Variants in MAD1L1 observed in about 807,000 individuals in gnomAD.
MAD1L1 encodes the protein mitotic arrest deficient 1 like 1.
In MAD1L1, 95 loss-of-function variants were observed where a neutral mutation model predicts 96.9. The observed-to-expected ratio is 0.98, with a 90% CI of 0.83 to 1.16. MAD1L1 has a LOEUF of 1.16. MAD1L1 is among the 50% of genes most tolerant of loss of function. The pLI is 0.00. For synonymous variants in MAD1L1, 473 were observed against 396.6 expected, an observed-to-expected ratio of 1.19 and a Z score of -2.29; for missense variants, 1,007 against 954.4, an observed-to-expected ratio of 1.06 and a Z score of -0.73.
intron 14 of MAD1L1, among the ~76,000 whole-genome samples, chr7:1,997,649 G>A (rs1324913548): frequency 2.0e-5 from 3 of 152,272 alleles, no homozygotes; most frequent in African/African-American, 7.2e-5. Flanking sequence ...TGACACTGAG[G>A]GCTCTGGGTC....
chr7:2,101,936 C>T (rs940105183), intron 11 of MAD1L1, among the ~76,000 whole-genome samples: 1 of 152,274 alleles, frequency 6.6e-6, no homozygotes. Context: ...GGGGGCTCTG[C>T]AGCTGGGAAG....
At chr7:1,912,810 ATC>A (rs1473084944) in intron 17 of MAD1L1, among the ~76,000 whole-genome samples, 11 of 152,182 alleles carry the variant, frequency 7.2e-5, no homozygotes, top group Non-Finnish European at 1.5e-5. Context: ...CGGCCACCTC[ATC>A]TGTTTCCGGA....
chr7:1,948,425 C>T (rs1779333412), intron 16 of MAD1L1, among the ~76,000 whole-genome samples: 2 of 152,190 alleles, frequency 1.3e-5, no homozygotes, highest in Non-Finnish European at 2.9e-5. Flanking sequence ...GCAGCTTTCC[C>T]CAGCAGGACA....
intron 17 of MAD1L1, among the ~76,000 whole-genome samples, chr7:1,919,670 C>T (rs1214508044): frequency 6.6e-6 from 1 of 152,220 alleles, no homozygotes; most frequent in African/African-American, 2.4e-5. Flanking sequence ...CTGCTATAAA[C>T]ACACCCTCCA....
intron 10 of MAD1L1, among the ~76,000 whole-genome samples, chr7:2,168,297 A>C (rs1790538333): frequency 6.6e-6 from 1 of 152,194 alleles, no homozygotes; most frequent in African/African-American, 2.4e-5. Flanking sequence ...AAGAAAAAAA[A>C]AGAACAGTGA....
chr7:1,920,244 G>A (rs988637439), intron 17 of MAD1L1, among the ~76,000 whole-genome samples: 3 of 151,148 alleles, frequency 2.0e-5, no homozygotes, highest in East Asian at 1.9e-4. Flanking sequence ...GTGTGCGTGC[G>A]TGCGTGCGTG....
intron 10 of MAD1L1, among the ~76,000 whole-genome samples, chr7:2,189,742 T>C (rs73039301): frequency 0.029 from 4,391 of 152,308 alleles, 113 homozygotes; most frequent in South Asian, 0.078. Context: ...GCAATATGAA[T>C]GTTCTTAAAG....
chr7:2,072,316 G>C (rs140815724), intron 11 of MAD1L1, among the ~76,000 whole-genome samples: 82 of 152,326 alleles, frequency 5.4e-4, no homozygotes, highest in Admixed American at 1.4e-3. Flanking sequence ...CTGCTGCGAC[G>C]TGAGAGCAGA....
chr7:1,823,223 T>A (rs190409276), intron 18 of MAD1L1, among the ~76,000 whole-genome samples: 189 of 152,050 alleles, frequency 1.2e-3, no homozygotes, highest in African/African-American at 3.6e-3. Context: ...TAAAAAAAAA[T>A]TTTTTTGACC....
At chr7:1,946,396 C>A (rs1170218363) in intron 16 of MAD1L1, among the ~76,000 whole-genome samples, 1 of 152,230 alleles carries the variant, frequency 6.6e-6, no homozygotes, top group Non-Finnish European at 1.5e-5. Flanking sequence ...ATGGAGCAAC[C>A]TTGCTGGAAT....
At position 2,220,777 on chromosome 7, in the gene MAD1L1, C is replaced by G. The variant is rs1007913896; in HGVS notation, c.472-1321G>C. 12 of 1,178,942 alleles carry G rather than the reference C, an allele frequency of 1.0e-5. 1 individual carries two copies. The highest frequency in any genetic ancestry group is 7.8e-5 in the South Asian group (5 of 64,020). The allele number at this position is 1,178,942 out of a possible 1,614,324, so 73.0% of individuals were successfully genotyped here. ...ACAATATGTACGGTTTACTTCACCA[C>G]AACAGTGAAGCATCAACCTGGGAGT... On this transcript the variant is annotated intron_variant, in intron 5 of 18. Coordinates refer to ENST00000265854, the MANE Select transcript of MAD1L1 (RefSeq NM_001013836.2).
At chr7:1,885,171 C>T (rs963209043) in intron 18 of MAD1L1, among the ~76,000 whole-genome samples, 2 of 152,140 alleles carry the variant, frequency 1.3e-5, no homozygotes, top group African/African-American at 4.8e-5. Flanking sequence ...GCTCCAGCCT[C>T]AGAGATGGCT....
At chr7:1,977,209 G>A (rs1002955461) in intron 15 of MAD1L1, among the ~76,000 whole-genome samples, 6 of 152,246 alleles carry the variant, frequency 3.9e-5, no homozygotes, top group Admixed American at 2.6e-4. Flanking sequence ...CCACGGCTGG[G>A]GGTGGGTGTG....
intron 11 of MAD1L1, among the ~76,000 whole-genome samples, chr7:2,087,997 C>T (rs1304528156): frequency 1.3e-5 from 2 of 152,210 alleles, no homozygotes; most frequent in African/African-American, 4.8e-5. Context: ...CTTCCCCTCT[C>T]ACAGCTAACT....
intron 15 of MAD1L1, among the ~76,000 whole-genome samples, chr7:1,965,429 G>C (rs1390859307): frequency 2.6e-5 from 4 of 152,228 alleles, no homozygotes; most frequent in Admixed American, 2.6e-4. Context: ...CCACCGCACT[G>C]GTGGGTAGGG....
intron 18 of MAD1L1, among the ~76,000 whole-genome samples, chr7:1,850,898 C>T (rs181315784): frequency 1.3e-3 from 191 of 152,266 alleles, no homozygotes; most frequent in African/African-American, 4.5e-3. Flanking sequence ...TGCCTGACCC[C>T]GTGTGGGACC....
intron 14 of MAD1L1, among the ~76,000 whole-genome samples, chr7:1,981,022 A>T (rs548988189): frequency 6.6e-6 from 1 of 152,202 alleles, no homozygotes; most frequent in Non-Finnish European, 1.5e-5. Flanking sequence ...GCTGGAGTGC[A>T]GTGGCACAAT....
rs1794290157 is a variant in MAD1L1, at chr7:2,232,893, T to TGCC, written c.-214_-212dup. 6.6e-6 allele frequency: 1 copy of TGCC among 152,246 alleles called. No individual in the cohort carries two copies. Among genetic ancestry groups the TGCC allele is most frequent in the Admixed American group, 6.5e-5 (1 of 15,288 alleles). 9.4% of individuals were successfully genotyped at this position (152,246 alleles called of 1,614,324 possible). On this transcript the variant is annotated 5_prime_UTR_variant, in exon 1 of 19. Transcript: ENST00000265854. ...TTACCTCAGCCGCTCGCAGCCAGCTTGCCGCCGCCGCTCGGATCTCCCTCC... is the reference window on the plus strand; with the variant it reads ...TTACCTCAGCCGCTCGCAGCCAGCTTGCCGCCGCCGCCGCTCGGATCTCCCTCC...
At chr7:2,161,558 G>A (rs955291975) in intron 10 of MAD1L1, among the ~76,000 whole-genome samples, 5 of 151,988 alleles carry the variant, frequency 3.3e-5, no homozygotes, top group African/African-American at 7.2e-5. Context: ...GTCTCTGACC[G>A]GCCGCCCATC....
Sources: allele counts gnomAD v4.1 joint callset (sites outside exome capture counted in the v4.1 genomes callset), GRCh38; gene constraint gnomAD v4.1.1; transcripts MANE v1.5; gene names NCBI Gene and HGNC (gene_info 2026-07-23, HGNC 2026-07-21).